SORCS1: variants seen among roughly 807,000 people sequenced by gnomAD.
SORCS1 encodes the protein sortilin related VPS10 domain containing receptor 1.
A neutral mutation model predicts 146.1 loss-of-function variants in SORCS1; 60 were observed. The ratio of observed to expected loss-of-function variants is 0.41; its 90% CI spans 0.33 to 0.51. The LOEUF is 0.51. SORCS1 is among the 20% of genes least tolerant of loss of function. SORCS1 has a pLI of 0.21. For missense variants in SORCS1, 1,352 were observed against 1,487.6 expected (o/e 0.91, Z 1.50); for synonymous variants, 637 against 584.0 (o/e 1.09, Z -1.31).
At chr10:107,021,235 A>C (rs926890251) in intron 1 of SORCS1, among the ~76,000 whole-genome samples, 2 of 152,038 alleles carry the variant, frequency 1.3e-5, no homozygotes, top group Non-Finnish European at 2.9e-5. Flanking sequence ...ATATTTGGCC[A>C]GGCGTGGTGG....
At chr10:106,851,350 AT>A (rs1489816431) in intron 2 of SORCS1, among the ~76,000 whole-genome samples, 3 of 152,170 alleles carry the variant, frequency 2.0e-5, no homozygotes, top group African/African-American at 7.2e-5. Context: ...TCTATGATAC[AT>A]TTTGAGTTAA....
intron 3 of SORCS1, among the ~76,000 whole-genome samples, chr10:106,813,051 G>A (rs139114286): frequency 1.3e-3 from 198 of 150,944 alleles, no homozygotes; most frequent in African/African-American, 4.5e-3. Context: ...TCAGCGAACT[G>A]TATTGTCCCT....
chr10:106,597,471 A>G, intron 23 of SORCS1, 21 bp from the exon 24 acceptor site: 1 of 1,578,740 alleles, frequency 6.3e-7, no homozygotes, highest in Non-Finnish European at 8.7e-7. Context: ...AAGCATAGTT[A>G]GTGACACCAA....
chr10:106,729,777 G>T (rs529982017), intron 6 of SORCS1, among the ~76,000 whole-genome samples: 1 of 152,134 alleles, frequency 6.6e-6, no homozygotes, highest in East Asian at 1.9e-4. Flanking sequence ...TATTACTGAA[G>T]ACAGGAAATG....
chr10:107,042,206 A>G (rs1959171920), intron 1 of SORCS1, among the ~76,000 whole-genome samples: 2 of 152,188 alleles, frequency 1.3e-5, no homozygotes, highest in South Asian at 2.1e-4. Context: ...TATAAATTTC[A>G]TTCTGTCTTT....
intron 23 of SORCS1, among the ~76,000 whole-genome samples, chr10:106,604,767 T>C (rs1846459218): frequency 1.3e-5 from 2 of 152,204 alleles, no homozygotes; most frequent in African/African-American, 4.8e-5. Flanking sequence ...CCAGTCTATT[T>C]AATAGGCCTA....
intron 1 of SORCS1, 80 bp from the exon 2 acceptor site, chr10:106,956,660 A>C (rs1954958025): frequency 8.5e-7 from 1 of 1,182,456 alleles, no homozygotes; most frequent in Admixed American, 2.0e-5. Flanking sequence ...GGGAGGGCTT[A>C]GGATTCCTTT....
intron 5 of SORCS1, among the ~76,000 whole-genome samples, chr10:106,731,549 A>G (rs1179866851): frequency 6.6e-6 from 1 of 152,192 alleles, no homozygotes; most frequent in Non-Finnish European, 1.5e-5. Context: ...ACACAAGTGA[A>G]AAGTCACTTC....
chr10:107,148,190 C>G (rs747450114), intron 1 of SORCS1, among the ~76,000 whole-genome samples: 51 of 152,178 alleles, frequency 3.4e-4, no homozygotes, highest in Non-Finnish European at 6.2e-4. Flanking sequence ...AGTTGGCATG[C>G]AGATGACAAC....
At position 106,776,489 on chromosome 10, in the gene SORCS1, C is replaced by T. The variant is rs143546993; in HGVS notation, c.885+45G>A. 14,630 of 1,606,548 alleles carry T rather than the reference C, an allele frequency of 9.1e-3. 87 individuals are homozygous for T. Among genetic ancestry groups the T allele is most frequent in the Middle Eastern group, 0.012 (74 of 6,018 alleles). ...ATGATTAAATTAGCACTATTTTCCC[C>T]GGAGAACCATGCTTCATTGTCTCAA... On this transcript the variant is annotated intron_variant, in intron 4 of 25. Coordinates refer to ENST00000263054, the MANE Select transcript of SORCS1 (RefSeq NM_052918.5).
intron 15 of SORCS1, among the ~76,000 whole-genome samples, chr10:106,672,098 C>T (rs142087308): frequency 1.8e-4 from 27 of 152,228 alleles, no homozygotes; most frequent in South Asian, 1.2e-3. Flanking sequence ...TACTGTACAC[C>T]GTCTTTCTTG....
chr10:106,692,178 A>G (rs1452905085), intron 9 of SORCS1, among the ~76,000 whole-genome samples: 3 of 152,106 alleles, frequency 2.0e-5, no homozygotes, highest in African/African-American at 4.8e-5. Flanking sequence ...AGTAGCTGAG[A>G]CTACAGTTGC....
intron 23 of SORCS1, chr10:106,600,181 T>C (rs1282562591): frequency 9.1e-6 from 3 of 331,024 alleles, no homozygotes; most frequent in East Asian, 1.7e-4. Context: ...CAAAATAACA[T>C]ATTTTTAATT....
chr10:106,944,874 C>CT (rs765355110), intron 2 of SORCS1, among the ~76,000 whole-genome samples: 989 of 36,588 alleles, frequency 0.027, 201 homozygotes, highest in Non-Finnish European at 0.039. Flanking sequence ...AAAGAGCCTT[C>CT]TTTTTTTTTT....
At position 106,605,423 on chromosome 10, in the gene SORCS1, A is replaced by G. The variant is rs1353946904; in HGVS notation, c.3165+1743T>C. Among the ~76,000 whole-genome samples the G allele has an allele frequency of 2.6e-5, 4 of 152,226 alleles. No homozygotes were observed. In the South Asian group the frequency reaches 8.3e-4, roughly 32 times the overall value. On this transcript the variant is annotated intron_variant, in intron 23 of 25. Transcript: ENST00000263054. ...ATAAAAGTGCACAGATGATGTGGTA[A>G]CTAGGAAAAAAAGGTGACTCTAAAT...
intron 5 of SORCS1, among the ~76,000 whole-genome samples, chr10:106,743,788 A>G (rs1470362385): frequency 6.6e-6 from 1 of 152,192 alleles, no homozygotes; most frequent in Non-Finnish European, 1.5e-5. Flanking sequence ...TGACTGCAAA[A>G]GGAGTATGTA....
intron 1 of SORCS1, among the ~76,000 whole-genome samples, chr10:107,033,966 A>C (rs1231785445): frequency 6.6e-6 from 1 of 152,202 alleles, no homozygotes; most frequent in Non-Finnish European, 1.5e-5. Context: ...ATCACTCCTG[A>C]TGCTCTGGGA....
At chr10:107,038,400 TGGG>T (rs1190565576) in intron 1 of SORCS1, among the ~76,000 whole-genome samples, 1 of 12,810 alleles carries the variant, frequency 7.8e-5, no homozygotes, top group South Asian at 4.3e-3. Context: ...GTGGGGTGGG[TGGG>T]GGGGGAGAGA....
chr10:106,974,013 A>G lies in SORCS1; in HGVS notation c.559-17433T>C, dbSNP rs968796296. ...ATCTGGAGTAGGATAGGGTGGAGTGAGAGTCAGTCATGAGGCTTTTTCTTC... is the reference window on the plus strand; with the variant it reads ...ATCTGGAGTAGGATAGGGTGGAGTGGGAGTCAGTCATGAGGCTTTTTCTTC... On this transcript the variant is annotated intron_variant, in intron 1 of 25. Transcript: ENST00000263054. 3.3e-5 allele frequency among the ~76,000 whole-genome samples: 5 copies of G among 152,090 alleles called. No homozygotes were observed. The East Asian group carries it at 9.7e-4, about 29-fold the overall frequency.
Sources: allele counts gnomAD v4.1 joint callset (sites outside exome capture counted in the v4.1 genomes callset), GRCh38; gene constraint gnomAD v4.1.1; transcripts MANE v1.5; gene names NCBI Gene and HGNC (gene_info 2026-07-23, HGNC 2026-07-21).